Variants in ARFGEF1 observed in about 807,000 individuals in gnomAD.
ARFGEF1 encodes the protein brefeldin A-inhibited guanine nucleotide-exchange protein 1.
In ARFGEF1, 42 loss-of-function variants were observed where a neutral mutation model predicts 231.0. That is an observed-to-expected ratio of 0.18 (90% CI 0.14 to 0.24). The LOEUF (loss-of-function observed/expected upper bound fraction) is 0.24, where lower values mean the gene tolerates loss of function less well. Among genes scored for constraint, ARFGEF1 ranks in the 10% least tolerant of loss-of-function variants. ARFGEF1 has a pLI of 1.00. For synonymous variants in ARFGEF1, 710 were observed against 732.3 expected, an observed-to-expected ratio of 0.97 and a Z score of 0.49; for missense variants, 1,345 against 2,192.0, an observed-to-expected ratio of 0.61 and a Z score of 7.72.
At chr8:67,227,056 G>T (rs1267881822) in intron 27 of ARFGEF1, 81 bp downstream of exon 27, 2 of 1,308,726 alleles carry the variant, frequency 1.5e-6, no homozygotes, top group Non-Finnish European at 2.1e-6. Flanking sequence ...TAATCTTATT[G>T]TTACTTGAAT....
downstream of ARFGEF1, chr8:67,196,125 T>C (rs1563821265): frequency 1.3e-5 from 2 of 152,608 alleles, no homozygotes; most frequent in African/African-American, 4.8e-5. Context: ...TACTTGTATT[T>C]TTGTAAGCCA....
intron 1 of ARFGEF1, among the ~76,000 whole-genome samples, chr8:67,327,313 G>A (rs1246142014): frequency 6.7e-6 from 1 of 149,604 alleles, no homozygotes; most frequent in Admixed American, 6.7e-5. Flanking sequence ...CCTCGATGAC[G>A]TACGTCTTTT....
At chr8:67,299,930 C>G (rs1424192615) in intron 3 of ARFGEF1, among the ~76,000 whole-genome samples, 1 of 151,936 alleles carries the variant, frequency 6.6e-6, no homozygotes, top group Non-Finnish European at 1.5e-5. Context: ...GCCTGCGCCA[C>G]TGCACTCCAA....
chr8:67,257,150 C>T (rs550056191), intron 17 of ARFGEF1, among the ~76,000 whole-genome samples: 1 of 152,118 alleles, frequency 6.6e-6, no homozygotes, highest in Non-Finnish European at 1.5e-5. Context: ...ACGATCTCAG[C>T]TCACTGTATG....
At chr8:67,253,980 A>C (rs577411387) in intron 17 of ARFGEF1, among the ~76,000 whole-genome samples, 1 of 152,230 alleles carries the variant, frequency 6.6e-6, no homozygotes. Context: ...AAAACATTCA[A>C]ATCTTAGTTT....
Position 67,212,495 on chromosome 8 carries a change from T to C in ARFGEF1, c.4687-880A>G, listed in dbSNP as rs571197739. Among the ~76,000 whole-genome samples the C allele has an allele frequency of 2.6e-5, 4 of 152,360 alleles. No homozygotes were observed. The East Asian group carries it at 5.8e-4, about 22-fold the overall frequency. On this transcript the variant is annotated intron_variant, in intron 33 of 38. Coordinates refer to ENST00000262215, the MANE Select transcript of ARFGEF1 (RefSeq NM_006421.5). ...ACTTTCCTTGCAGGTTGTTAAGAACTAGATATAATAAATCCAAAACACTAG... is the reference window on the plus strand; with the variant it reads ...ACTTTCCTTGCAGGTTGTTAAGAACCAGATATAATAAATCCAAAACACTAG...
At chr8:67,195,387 G>T, downstream of ARFGEF1, 5 of 1,613,270 alleles carry the variant, frequency 3.1e-6, no homozygotes, top group Non-Finnish European at 4.2e-6. Flanking sequence ...TGTAGATGAT[G>T]AGAGTTCACT....
At chr8:67,244,222 G>T (rs192044479) in intron 19 of ARFGEF1, among the ~76,000 whole-genome samples, 1 of 103,770 alleles carries the variant, frequency 9.6e-6, no homozygotes, top group Non-Finnish European at 1.7e-5. Flanking sequence ...CAGCCTGGGC[G>T]ACAAAGCGAG....
intron 10 of ARFGEF1, among the ~76,000 whole-genome samples, chr8:67,268,641 GAC>G (rs1164646942): frequency 2.0e-5 from 3 of 152,188 alleles, no homozygotes; most frequent in Non-Finnish European, 2.9e-5. Flanking sequence ...GAATGAGGGG[GAC>G]AGTATTCAAT....
intron 1 of ARFGEF1, among the ~76,000 whole-genome samples, chr8:67,331,521 T>C (rs1410317535): frequency 6.6e-6 from 1 of 152,156 alleles, no homozygotes; most frequent in Admixed American, 6.6e-5. Flanking sequence ...GAATTCCCAG[T>C]GAGAAATAAA....
At chr8:67,236,154 AAAC>A (rs1405836832) in intron 22 of ARFGEF1, among the ~76,000 whole-genome samples, 1 of 149,580 alleles carries the variant, frequency 6.7e-6, no homozygotes, top group Non-Finnish European at 1.5e-5. Flanking sequence ...ACAAACAAAC[AAAC>A]AACAAAAAAA....
chr8:67,209,138 C>T (rs1012084701), intron 34 of ARFGEF1, among the ~76,000 whole-genome samples: 6 of 152,122 alleles, frequency 3.9e-5, no homozygotes, highest in African/African-American at 1.2e-4. Context: ...TATTTGTACA[C>T]AACAGTTTGT....
intron 1 of ARFGEF1, among the ~76,000 whole-genome samples, chr8:67,328,455 TTC>T (rs1036151448): frequency 7.1e-6 from 1 of 140,644 alleles, no homozygotes; most frequent in Non-Finnish European, 1.6e-5. Context: ...TGCAGAAGTT[TTC>T]TCCAGCATCT....
In ARFGEF1 at chr8:67,277,466, A is replaced by G. The variant is rs770655004; in HGVS notation, c.1028-9T>C. On this transcript the variant is annotated splice_polypyrimidine_tract_variant and intron_variant, in intron 7 of 38. Transcript: ENST00000262215. ...AGTCCCTTCTCCCATATCTAAAATG[A>G]TAAGAATAAAAACCATGCAAATATA... 3.1e-6 allele frequency: 5 copies of G among 1,609,906 alleles called. No individual in the cohort carries two copies. Among genetic ancestry groups the G allele is most frequent in the Admixed American group, 1.7e-5 (1 of 59,524 alleles).
intron 1 of ARFGEF1, among the ~76,000 whole-genome samples, chr8:67,333,396 C>T (rs1808196341): frequency 6.6e-6 from 1 of 150,800 alleles, no homozygotes; most frequent in African/African-American, 2.4e-5. Flanking sequence ...GTGGTGGGAT[C>T]ACAGCTCACT....
chr8:67,304,637 G>A (rs570442856), intron 1 of ARFGEF1, among the ~76,000 whole-genome samples: 1 of 152,274 alleles, frequency 6.6e-6, no homozygotes, highest in South Asian at 2.1e-4. Context: ...GACCAGCCTG[G>A]CCAACATGGT....
chr8:67,181,776 C>T (rs1488568373), intron 5 of ARFGEF1, among the ~76,000 whole-genome samples: 1 of 152,162 alleles, frequency 6.6e-6, no homozygotes, highest in African/African-American at 2.4e-5. Context: ...TCATCCATCT[C>T]CAGAATTCAT....
At chr8:67,195,888 A>AGAT (rs1397958967), downstream of ARFGEF1, 5 of 282,204 alleles carry the variant, frequency 1.8e-5, no homozygotes, top group Non-Finnish European at 2.7e-5. Flanking sequence ...CTTGTCATTA[A>AGAT]GATAAGGTGA....
intron 22 of ARFGEF1, among the ~76,000 whole-genome samples, chr8:67,233,293 AT>A (rs1477788700): frequency 2.6e-5 from 4 of 152,022 alleles, no homozygotes; most frequent in Non-Finnish European, 4.4e-5. Flanking sequence ...CCTTCTGAGG[AT>A]GATCCCAACT....
Sources: gnomAD v4.1 joint callset for allele counts (sites outside exome capture counted in the v4.1 genomes callset) on GRCh38, gnomAD v4.1.1 for gene constraint, MANE v1.5 for transcripts, NCBI Gene and HGNC (gene_info 2026-07-23, HGNC 2026-07-21) for gene names.